The following ATCAY variants were observed in gnomAD, a reference collection of about 807,000 sequenced individuals.
The protein encoded by ATCAY is caytaxin.
In ATCAY, 22 loss-of-function variants were observed where a neutral mutation model predicts 47.7. That is an observed-to-expected ratio of 0.46 (90% confidence interval 0.33 to 0.66). The LOEUF (loss-of-function observed/expected upper bound fraction) is 0.66. ATCAY is among the 30% of genes least tolerant of loss of function. The probability of loss-of-function intolerance (pLI) is 0.02; values close to 1 mark genes in which losing one functional copy is unlikely to be tolerated. For synonymous variants in ATCAY, 216 were observed against 207.6 expected (o/e 1.04, Z -0.35); for missense variants, 452 against 515.0 (o/e 0.88, Z 1.18).
At chr19:3,909,111 C>T in intron 6 of ATCAY, among the ~76,000 whole-genome samples, 1 of 133,386 alleles carries the variant, frequency 7.5e-6, no homozygotes. Flanking sequence ...GTGGCAGGCG[C>T]CTGTAATCCC....
intron 2 of ATCAY, among the ~76,000 whole-genome samples, chr19:3,897,336 G>C (rs908376031): frequency 6.7e-6 from 1 of 149,082 alleles, no homozygotes; most frequent in Non-Finnish European, 1.5e-5. Context: ...GCCTCGCTCT[G>C]TCATCCAGGC....
intron 10 of ATCAY, 114 bp from the exon 11 acceptor site, chr19:3,918,692 T>C: frequency 9.4e-7 from 1 of 1,068,132 alleles, no homozygotes; most frequent in Non-Finnish European, 1.4e-6. Flanking sequence ...CTCACTGGTT[T>C]GGAAAACAGG....
Position 3,885,738 on chromosome 19 carries a change from G to T in ATCAY, c.-30G>T. The T allele has an allele frequency of 1.3e-6, 2 of 1,547,372 alleles. No homozygotes were observed. Among genetic ancestry groups the T allele is most frequent in the Non-Finnish European group, 1.7e-6 (2 of 1,144,202 alleles). On this transcript the variant is annotated 5_prime_UTR_variant, in exon 2 of 13. Transcript: ENST00000450849. ...CGGCTTCCTTTCAGGGGTCATCCCT[G>T]CTTCAAGCCAGTGCCTCTTCCCAGC...
chr19:3,924,453 T>G (rs1489436989), intron 12 of ATCAY, 130 bp from the exon 13 acceptor site: 3 of 1,097,444 alleles, frequency 2.7e-6, no homozygotes, highest in African/African-American at 1.5e-5. Flanking sequence ...GAAGGGCATG[T>G]GCCACTCTTG....
At position 3,883,955 on chromosome 19, in the gene ATCAY, G is replaced by GCCCTGC. The variant is rs575179564; in HGVS notation, c.-41-1756_-41-1751dup. ...GCCCCCACCCAGACTGCTCCCCCCT[G>GCCCTGC]CCCTGCCCCTGCCCCTGCCCCCAGT... On this transcript the variant is annotated intron_variant, in intron 1 of 12. Coordinates refer to ENST00000450849, the MANE Select transcript of ATCAY (RefSeq NM_033064.5). Among the ~76,000 whole-genome samples, 269 of 151,890 alleles carry GCCCTGC rather than the reference G, an allele frequency of 1.8e-3. 1 individual carries two copies. The highest frequency in any genetic ancestry group is 6.3e-3 in the African/African-American group (260 of 41,440).
Position 3,923,438 on chromosome 19 carries a change from G to A in ATCAY, c.1107-1145G>A, listed in dbSNP as rs531446211. Reference sequence around the variant, plus strand: ...TGGATGAATGGATAGGTGGATAAATGGATGGATGGATGGATGAGTGGATGG... The same window carrying A: ...TGGATGAATGGATAGGTGGATAAATAGATGGATGGATGGATGAGTGGATGG... On this transcript the variant is annotated intron_variant, in intron 12 of 12. Transcript: ENST00000450849. Among the ~76,000 whole-genome samples, 46 of 151,516 alleles carry A rather than the reference G, an allele frequency of 3.0e-4. 3 individuals are homozygous for A. In the South Asian group the frequency reaches 7.5e-3, roughly 25 times the overall value.
chr19:3,905,614 C>A lies in ATCAY; in HGVS notation c.317C>A (p.Ser106Ter). 6.2e-7 allele frequency: 1 copy of A among 1,613,692 alleles called. No homozygotes were observed. The highest frequency in any genetic ancestry group is 1.1e-5 in the South Asian group (1 of 91,054). ...ATCGAGACCCCCGATGAGACCGACTCGCTGGAGTTCCTGGGGAATGGCAAC... is the reference window on the plus strand; with the variant it reads ...ATCGAGACCCCCGATGAGACCGACTAGCTGGAGTTCCTGGGGAATGGCAAC... ...DDIETPDETD[S>*]LEFLGNGNEL... The change falls in exon 4 of 13, where the codon TCG (serine) becomes TAG (stop). Residue 106 changes from serine to a stop codon, truncating the protein, a stop_gained. Coordinates refer to ENST00000450849, the MANE Select transcript of ATCAY (RefSeq NM_033064.5). LOFTEE classifies it high-confidence loss of function.
intron 11 of ATCAY, 34 bp from the exon 12 acceptor site, chr19:3,920,732 C>G (rs1599149083): frequency 6.5e-7 from 1 of 1,539,086 alleles, no homozygotes; most frequent in South Asian, 1.4e-5. Context: ...CAAAAATAAG[C>G]AAATAACGCC....
Position 3,905,645 on chromosome 19 carries a change from G to A in ATCAY, c.348G>A (p.Leu116=). Residue 116 remains leucine, a synonymous_variant, in exon 4 of 13, where the codon CTG becomes CTA. Transcript: ENST00000450849. ...SLEFLGNGNE[L]EWEDDTPVAT... is the part of the protein sequence containing the mutation. Reference sequence around the variant, plus strand: ...AGTTCCTGGGGAATGGCAACGAACTGGAGTGGGAAGGTAAAGTTCAGGGTC... The same window carrying A: ...AGTTCCTGGGGAATGGCAACGAACTAGAGTGGGAAGGTAAAGTTCAGGGTC... 1 of 1,613,442 alleles carries A rather than the reference G, an allele frequency of 6.2e-7. No individual in the cohort carries two copies. The highest frequency in any genetic ancestry group is 1.1e-5 in the South Asian group (1 of 91,060).
chr19:3,927,423 A>G lies in ATCAY; in HGVS notation c.*2831A>G, dbSNP rs2039077051. The G allele has an allele frequency of 6.6e-6, 1 of 152,264 alleles. No individual in the cohort carries two copies. The highest frequency in any genetic ancestry group is 1.5e-5 in the Non-Finnish European group (1 of 68,104). The allele number at this position is 152,264 out of a possible 1,614,324, so 9.4% of individuals were successfully genotyped here. A position where few individuals can be genotyped will look rare whatever the true frequency, so the allele number is the denominator to read the frequency against. Reference sequence around the variant, plus strand: ...GGAAGACTGGGGCCGCTTCCAAGTCACAGACAGGAGACGGGGACAGGAAAG... The same window carrying G: ...GGAAGACTGGGGCCGCTTCCAAGTCGCAGACAGGAGACGGGGACAGGAAAG... On this transcript the variant is annotated 3_prime_UTR_variant, in exon 13 of 13. Coordinates refer to ENST00000450849, the MANE Select transcript of ATCAY (RefSeq NM_033064.5).
chr19:3,906,945 C>G (rs561034035), intron 4 of ATCAY, among the ~76,000 whole-genome samples: 7 of 151,762 alleles, frequency 4.6e-5, no homozygotes, highest in Non-Finnish European at 8.8e-5. Flanking sequence ...TGAGACCAGC[C>G]TGGCCAACAT....
At chr19:3,922,009 T>C in intron 12 of ATCAY, 1 of 621,424 alleles carries the variant, frequency 1.6e-6, no homozygotes, top group Middle Eastern at 3.0e-4. Context: ...TGGGGTTGTG[T>C]GGACAGCCTT....
chr19:3,919,097 G>A (rs1016835015), intron 11 of ATCAY, among the ~76,000 whole-genome samples: 3 of 151,766 alleles, frequency 2.0e-5, no homozygotes, highest in African/African-American at 7.3e-5. Context: ...GGCCAGCATG[G>A]TGAAACCTCA....
At chr19:3,909,693 C>G in intron 7 of ATCAY, 76 bp downstream of exon 7, 1 of 1,531,972 alleles carries the variant, frequency 6.5e-7, no homozygotes, top group Non-Finnish European at 8.8e-7. Context: ...TGGCTCACAC[C>G]TGGAATCCCA....
chr19:3,907,609 G>A lies in ATCAY; in HGVS notation c.359-125G>A, dbSNP rs2038873296. On this transcript the variant is annotated intron_variant, in intron 4 of 12. Transcript: ENST00000450849. The surrounding 1 kb of genome is among the most constrained non-coding windows in gnomAD (Gnocchi z 5.1). ...ATGGGTCAGCAGGGCAGCCAGGTGG[G>A]GAGAAGCGAAGGACTTGTGGGTCCC... 1 of 1,171,126 alleles carries A rather than the reference G, an allele frequency of 8.5e-7. No homozygotes were observed. The highest frequency in any genetic ancestry group is 2.8e-4 in the Middle Eastern group (1 of 3,536). The allele number at this position is 1,171,126 out of a possible 1,614,324, so 72.5% of individuals were successfully genotyped here. A position where few individuals can be genotyped will look rare whatever the true frequency, so the allele number is the denominator to read the frequency against.
intron 3 of ATCAY, among the ~76,000 whole-genome samples, chr19:3,904,216 T>C (rs2145242025): frequency 6.6e-6 from 1 of 152,030 alleles, no homozygotes; most frequent in African/African-American, 2.4e-5. Flanking sequence ...CCCAGCTACT[T>C]GGGAGGCTGA....
Position 3,905,482 on chromosome 19 carries a change from C to T in ATCAY, c.185C>T (p.Thr62Met), listed in dbSNP as rs370499062. ...NFNGAHRKRK[T>M]LVAPEINISL... Reference sequence around the variant, plus strand: ...AACGGAGCGCATCGTAAGAGGAAGACGCTGGTGGCCCCAGAGATCAACATT... The same window carrying T: ...AACGGAGCGCATCGTAAGAGGAAGATGCTGGTGGCCCCAGAGATCAACATT... The change falls in exon 4 of 13, where the codon ACG becomes ATG. Residue 62 changes from threonine (T) to methionine (M), a missense_variant. By Grantham distance (81) the Thr-to-Met change is moderately conservative (BLOSUM62 -1). Coordinates refer to ENST00000450849, the MANE Select transcript of ATCAY (RefSeq NM_033064.5). The T allele has an allele frequency of 1.5e-5, 25 of 1,613,700 alleles. No individual in the cohort carries two copies. Among genetic ancestry groups the T allele is most frequent in the African/African-American group, 2.7e-5 (2 of 74,922 alleles).
intron 10 of ATCAY, 98 bp from the exon 11 acceptor site, chr19:3,918,708 G>T: frequency 1.5e-6 from 2 of 1,307,426 alleles, no homozygotes; most frequent in South Asian, 1.3e-5. Flanking sequence ...ACAGGTCCCA[G>T]GGGACAGGAA....
In ATCAY at chr19:3,902,803, C is replaced by G. The variant is rs1040121648; in HGVS notation, c.136+258C>G. Among the ~76,000 whole-genome samples the G allele has an allele frequency of 2.2e-4, 34 of 152,212 alleles. 1 individual carries two copies. The highest frequency in any genetic ancestry group is 7.9e-4 in the African/African-American group (33 of 41,544). On this transcript the variant is annotated intron_variant, in intron 3 of 12. Coordinates refer to ENST00000450849, the MANE Select transcript of ATCAY (RefSeq NM_033064.5). ...TCTCTGTGCCCCAATGCCTCATCTA[C>G]TAAATGTAGGTAGCGAGCTTCTCGC...
Sources: gnomAD v4.1 joint callset for allele counts (sites outside exome capture counted in the v4.1 genomes callset) on GRCh38, gnomAD v4.1.1 for gene constraint, Gnocchi (gnomAD v3.1) non-coding constraint, MANE v1.5 for transcripts, NCBI Gene and HGNC (gene_info 2026-07-23, HGNC 2026-07-21) for gene names.